PTPRK: variants seen among roughly 807,000 people sequenced by gnomAD.
PTPRK encodes receptor-type tyrosine-protein phosphatase kappa.
A neutral mutation model predicts 178.0 loss-of-function variants in PTPRK; 75 were observed. The observed-to-expected ratio is 0.42, with a 90% confidence interval of 0.35 to 0.51. PTPRK has a LOEUF of 0.51. PTPRK is among the 20% of genes least tolerant of loss of function. PTPRK has a pLI of 0.02. For missense variants in PTPRK, 1,441 were observed against 1,797.8 expected, an observed-to-expected ratio of 0.80 and a Z score of 3.59; for synonymous variants, 637 against 620.6, an observed-to-expected ratio of 1.03 and a Z score of -0.39.
intron 7 of PTPRK, among the ~76,000 whole-genome samples, chr6:128,170,640 A>G (rs934490915): frequency 3.3e-5 from 5 of 152,044 alleles, no homozygotes; most frequent in African/African-American, 1.2e-4. Context: ...TTAAATTAAC[A>G]ACTGTTGTTA....
intron 3 of PTPRK, among the ~76,000 whole-genome samples, chr6:128,298,683 A>G (rs1824955743): frequency 6.6e-6 from 1 of 152,214 alleles, no homozygotes; most frequent in Admixed American, 6.5e-5. Context: ...TTCATGCTAA[A>G]AACTCTCAAT....
At chr6:128,126,207 TC>T (rs1262108674) in intron 7 of PTPRK, among the ~76,000 whole-genome samples, 3 of 152,102 alleles carry the variant, frequency 2.0e-5, no homozygotes, top group Non-Finnish European at 4.4e-5. Context: ...CCTAATGCTC[TC>T]CCCTCCCTTG....
intron 1 of PTPRK, among the ~76,000 whole-genome samples, chr6:128,467,156 C>T (rs548918433): frequency 2.6e-5 from 4 of 152,158 alleles, no homozygotes; most frequent in South Asian, 2.1e-4. Context: ...AGCACCACCG[C>T]GCCCGGCTAA....
chr6:128,157,091 A>G (rs1798049544), intron 7 of PTPRK, among the ~76,000 whole-genome samples: 5 of 152,042 alleles, frequency 3.3e-5, no homozygotes, highest in African/African-American at 9.7e-5. Flanking sequence ...TCAAATTCTG[A>G]ACTATGATGA....
At chr6:128,113,087 A>G (rs1264505840) in intron 7 of PTPRK, among the ~76,000 whole-genome samples, 1 of 152,048 alleles carries the variant, frequency 6.6e-6, no homozygotes, top group Non-Finnish European at 1.5e-5. Context: ...CTGAGACCTC[A>G]TCAAGAGGAA....
Position 127,970,079 on chromosome 6 carries a change from A to T in PTPRK, c.*148T>A, listed in dbSNP as rs1773738775. On this transcript the variant is annotated 3_prime_UTR_variant, in exon 30 of 30. Transcript: ENST00000368226. ...CCTTTTTATTAAGATACACAACTTC[A>T]TAAAAAAAATACTTTTACCTCTCAA... is the stretch of plus-strand genomic sequence containing the variant. The T allele has an allele frequency of 1.8e-6, 1 of 547,488 alleles. No individual in the cohort carries two copies. Among genetic ancestry groups the T allele is most frequent in the Non-Finnish European group, 3.2e-6 (1 of 315,244 alleles). The allele number at this position is 547,488 out of a possible 1,614,324, so 33.9% of individuals were successfully genotyped here.
At chr6:128,485,812 T>C (rs1333925726) in intron 1 of PTPRK, among the ~76,000 whole-genome samples, 2 of 152,236 alleles carry the variant, frequency 1.3e-5, no homozygotes, top group Non-Finnish European at 2.9e-5. Context: ...AATAAATTAA[T>C]AATGACCAGA....
chr6:128,466,252 A>G (rs968489502), intron 1 of PTPRK, among the ~76,000 whole-genome samples: 1 of 152,226 alleles, frequency 6.6e-6, no homozygotes, highest in African/African-American at 2.4e-5. Context: ...ACAATTACAG[A>G]TAAAGAAATC....
At chr6:128,510,204 G>A (rs1856966567) in intron 1 of PTPRK, among the ~76,000 whole-genome samples, 1 of 152,168 alleles carries the variant, frequency 6.6e-6, no homozygotes, top group South Asian at 2.1e-4. Flanking sequence ...GGCCATTGAA[G>A]GTCCATTACG....
intron 27 of PTPRK, 88 bp downstream of exon 27, chr6:127,976,569 T>G: frequency 6.8e-7 from 1 of 1,472,504 alleles, no homozygotes; most frequent in Non-Finnish European, 9.4e-7. Flanking sequence ...TTAATTGTAG[T>G]CTCCCTGTTG....
intron 6 of PTPRK, among the ~76,000 whole-genome samples, chr6:128,202,898 T>C (rs1205878083): frequency 6.6e-6 from 1 of 152,130 alleles, no homozygotes; most frequent in African/African-American, 2.4e-5. Context: ...TCCCTACCTC[T>C]TTCTATAAGG....
At chr6:128,185,989 C>T (rs988100538) in intron 6 of PTPRK, among the ~76,000 whole-genome samples, 1 of 152,074 alleles carries the variant, frequency 6.6e-6, no homozygotes, top group Non-Finnish European at 1.5e-5. Flanking sequence ...TAGTTTCTAG[C>T]TTAAAAGCCT....
chr6:128,078,159 G>T (rs1369305789), intron 11 of PTPRK, among the ~76,000 whole-genome samples: 3 of 151,896 alleles, frequency 2.0e-5, no homozygotes, highest in Non-Finnish European at 2.9e-5. Context: ...GACTAGAGGG[G>T]GGAAAAAGGC....
chr6:128,215,746 C>T (rs1416125870), intron 6 of PTPRK, among the ~76,000 whole-genome samples: 2 of 152,078 alleles, frequency 1.3e-5, no homozygotes, highest in Non-Finnish European at 2.9e-5. Context: ...TAAACTCTTA[C>T]CCTTGGGTCA....
rs111637155 is a variant in PTPRK at position 128,396,168 on chromosome 6, G to A, written c.223+1398C>T. On this transcript the variant is annotated intron_variant, in intron 2 of 29. Coordinates refer to ENST00000368226, the MANE Select transcript of PTPRK (RefSeq NM_002844.4). ...ATTTCTAATGGCTATGTCTAAAATTGTCATATCTAAAATTCACACTCAAGA... is the reference window on the plus strand; with the variant it reads ...ATTTCTAATGGCTATGTCTAAAATTATCATATCTAAAATTCACACTCAAGA... Among the ~76,000 whole-genome samples, 916 of 151,326 alleles carry A rather than the reference G, an allele frequency of 6.1e-3. 8 individuals are homozygous for A. Among genetic ancestry groups the A allele is most frequent in the African/African-American group, 0.021 (867 of 41,310 alleles).
intron 3 of PTPRK, among the ~76,000 whole-genome samples, chr6:128,302,370 C>T (rs1271573940): frequency 3.4e-5 from 4 of 119,126 alleles, no homozygotes; most frequent in South Asian, 2.6e-4. Flanking sequence ...CCAGCCTGGG[C>T]GACAGAGGAA....
intron 2 of PTPRK, among the ~76,000 whole-genome samples, chr6:128,387,949 A>C (rs2128361630): frequency 6.6e-6 from 1 of 151,878 alleles, no homozygotes; most frequent in South Asian, 2.1e-4. Context: ...TGATGAGCTT[A>C]CAAAAAAAAA....
intron 2 of PTPRK, among the ~76,000 whole-genome samples, chr6:128,375,774 T>C (rs1233326529): frequency 1.3e-5 from 2 of 152,258 alleles, no homozygotes. Flanking sequence ...CCAGATACAA[T>C]GGGAGTACAG....
At chr6:128,030,200 G>A (rs1397532416) in intron 13 of PTPRK, among the ~76,000 whole-genome samples, 2 of 152,166 alleles carry the variant, frequency 1.3e-5, no homozygotes, top group East Asian at 3.9e-4. Context: ...TGATTCTGAA[G>A]AGAAGTGGGG....
Sources: gnomAD v4.1 joint callset for allele counts (sites outside exome capture counted in the v4.1 genomes callset) on GRCh38, gnomAD v4.1.1 for gene constraint, MANE v1.5 for transcripts, NCBI Gene and HGNC (gene_info 2026-07-23, HGNC 2026-07-21) for gene names.